MOSMO: variants seen among roughly 807,000 people sequenced by gnomAD.
The protein encoded by MOSMO is modulator of smoothened protein.
A neutral mutation model predicts 18.4 loss-of-function variants in MOSMO; 5 were observed. That is an observed-to-expected ratio of 0.27 (90% confidence interval 0.14 to 0.57). The LOEUF (loss-of-function observed/expected upper bound fraction) is 0.57, where lower values mean the gene tolerates loss of function less well. Ranked by LOEUF, MOSMO falls within the 20% of genes least tolerant of loss-of-function variation. MOSMO has a pLI of 0.92. For missense variants in MOSMO, 138 were observed against 211.8 expected (o/e 0.65, Z 2.16); for synonymous variants, 82 against 82.3 (o/e 1.00, Z 0.02).
At chr16:22,028,435 A>G (rs773613934) in intron 1 of MOSMO, among the ~76,000 whole-genome samples, 10 of 151,602 alleles carry the variant, frequency 6.6e-5, no homozygotes, top group Non-Finnish European at 1.5e-4. Context: ...TTTTAAGTGT[A>G]CAGTTCAGTG....
intron 1 of MOSMO, among the ~76,000 whole-genome samples, chr16:22,047,183 G>A (rs369244085): frequency 1.3e-4 from 19 of 149,216 alleles, no homozygotes; most frequent in South Asian, 4.2e-4. Context: ...ATCTTTCCAC[G>A]TCAATATACA....
intron 2 of MOSMO, 74 bp downstream of exon 2, chr16:22,075,773 G>A (rs1283226265): frequency 9.0e-7 from 1 of 1,110,958 alleles, no homozygotes; most frequent in Non-Finnish European, 1.3e-6. Context: ...AGATAATCAA[G>A]AATCAGTAAT....
At chr16:22,050,495 A>G (rs981566462) in intron 1 of MOSMO, among the ~76,000 whole-genome samples, 6 of 152,136 alleles carry the variant, frequency 3.9e-5, no homozygotes. Context: ...TGTTAGAGGG[A>G]GAGAGTGCTA....
At chr16:22,088,546 C>T (rs533696674), downstream of MOSMO, among the ~76,000 whole-genome samples, 44 of 152,238 alleles carry the variant, frequency 2.9e-4, no homozygotes, top group South Asian at 8.1e-3. Flanking sequence ...CTAACTGAAG[C>T]GTATCAACTA....
chr16:22,068,621 T>C (rs1214136476), intron 1 of MOSMO, among the ~76,000 whole-genome samples: 1 of 152,228 alleles, frequency 6.6e-6, no homozygotes, highest in Non-Finnish European at 1.5e-5. Context: ...AACGGAATCA[T>C]ACAATATGTG....
intron 1 of MOSMO, among the ~76,000 whole-genome samples, chr16:22,063,225 C>T (rs71376714): frequency 0.076 from 11,636 of 152,262 alleles, 636 homozygotes; most frequent in South Asian, 0.25. Flanking sequence ...CCTGTGAAGA[C>T]AACACATACA....
intron 1 of MOSMO, among the ~76,000 whole-genome samples, chr16:22,018,206 T>C (rs1279507154): frequency 6.6e-6 from 1 of 152,220 alleles, no homozygotes; most frequent in African/African-American, 2.4e-5. Context: ...GACCATATTC[T>C]ACTATAGTTA....
intron 1 of MOSMO, among the ~76,000 whole-genome samples, chr16:22,018,169 C>G (rs1258649339): frequency 6.6e-6 from 1 of 151,932 alleles, no homozygotes; most frequent in Admixed American, 6.6e-5. Flanking sequence ...CAGCTGTTGA[C>G]TTTTAATATA....
At chr16:22,038,279 C>T (rs1166400682) in intron 1 of MOSMO, among the ~76,000 whole-genome samples, 1 of 152,196 alleles carries the variant, frequency 6.6e-6, no homozygotes, top group Non-Finnish European at 1.5e-5. Flanking sequence ...GTAGGAGCCT[C>T]ATTCACAGTG....
At chr16:22,008,581 G>A (rs527842945) in intron 1 of MOSMO, among the ~76,000 whole-genome samples, 174 bp downstream of exon 1, 333 of 151,806 alleles carry the variant, frequency 2.2e-3, no homozygotes, top group Middle Eastern at 6.8e-3. Context: ...AGGAGAGGAA[G>A]CCGCCGGGCG....
chr16:22,044,626 A>G (rs1461902180), intron 1 of MOSMO, among the ~76,000 whole-genome samples: 1 of 152,174 alleles, frequency 6.6e-6, no homozygotes, highest in African/African-American at 2.4e-5. Flanking sequence ...TCTGGTCCCA[A>G]TCATTTTGGA....
rs549508881 is a variant in MOSMO at position 22,075,305 on chromosome 16, A to T, written c.107-182A>T. 1.3e-4 allele frequency: 89 copies of T among 693,516 alleles called. 1 individual carries two copies. In the South Asian group the frequency reaches 1.3e-3, roughly 10 times the overall value. 43.0% of individuals were successfully genotyped at this position (693,516 alleles called of 1,614,324 possible). On this transcript the variant is annotated intron_variant, in intron 1 of 2. Coordinates refer to ENST00000542527, the MANE Select transcript of MOSMO (RefSeq NM_001164579.2). ...TGTTATTTTTTTAGGTTCACTTTGT[A>T]TGTTAAACTAAGTATTACTACGTTA...
intron 1 of MOSMO, among the ~76,000 whole-genome samples, chr16:22,056,365 CTTTTTTTTTTTTTT>C (rs35642716): frequency 3.7e-5 from 2 of 54,632 alleles, no homozygotes; most frequent in African/African-American, 7.9e-5. Context: ...TTCTTTCTTT[CTTTTTTTTTTTTTT>C]TTTTTTTTTT....
intron 1 of MOSMO, among the ~76,000 whole-genome samples, chr16:22,071,614 A>G (rs1167279675): frequency 6.6e-6 from 1 of 152,204 alleles, no homozygotes; most frequent in Non-Finnish European, 1.5e-5. Context: ...AGTAAGACTC[A>G]GGATGACTTT....
chr16:22,027,986 A>G (rs556018453), intron 1 of MOSMO, among the ~76,000 whole-genome samples: 7 of 152,176 alleles, frequency 4.6e-5, no homozygotes, highest in Admixed American at 1.3e-4. Context: ...TTTAAAATGT[A>G]TCGTTTTTTA....
intron 1 of MOSMO, 146 bp downstream of exon 1, chr16:22,008,553 C>T (rs545326033): frequency 1.8e-6 from 1 of 555,784 alleles, no homozygotes; most frequent in South Asian, 2.2e-5. Flanking sequence ...AGACCCGGGC[C>T]GCGGAGGAAA....
intron 1 of MOSMO, among the ~76,000 whole-genome samples, chr16:22,026,273 C>T (rs1899874866): frequency 7.2e-6 from 1 of 139,568 alleles, no homozygotes; most frequent in African/African-American, 2.7e-5. Context: ...GGCTGGAGTG[C>T]TGTGGTGCGA....
intron 1 of MOSMO, among the ~76,000 whole-genome samples, chr16:22,069,775 C>A (rs1292886727): frequency 6.6e-6 from 1 of 152,124 alleles, no homozygotes; most frequent in Admixed American, 6.5e-5. Context: ...AGGAGGAAAT[C>A]TGGCCATGGC....
intron 1 of MOSMO, among the ~76,000 whole-genome samples, chr16:22,072,745 G>C (rs1900882261): frequency 1.3e-5 from 2 of 151,272 alleles, no homozygotes; most frequent in South Asian, 4.2e-4. Context: ...CCGGGAGGCG[G>C]AGCTTGCCGT....
Sources: gnomAD v4.1 joint callset for allele counts (sites outside exome capture counted in the v4.1 genomes callset) on GRCh38, gnomAD v4.1.1 for gene constraint, MANE v1.5 for transcripts, NCBI Gene and HGNC (gene_info 2026-07-23, HGNC 2026-07-21) for gene names.